The following ADGRL2 variants were observed in gnomAD, a reference collection of about 807,000 sequenced individuals.
ADGRL2 encodes the protein adhesion G protein-coupled receptor L2, also known as calcium-independent alpha-latrotoxin receptor 2.
A neutral mutation model predicts 157.4 loss-of-function variants in ADGRL2; 44 were observed. The ratio of observed to expected loss-of-function variants is 0.28; its 90% CI spans 0.22 to 0.36. ADGRL2 has a LOEUF of 0.36. Ranked by LOEUF, ADGRL2 falls within the 10% of genes least tolerant of loss-of-function variation. ADGRL2 has a pLI of 1.00. For missense variants in ADGRL2, 1,510 were observed against 1,768.9 expected, an observed-to-expected ratio of 0.85 and a Z score of 2.63; for synonymous variants, 585 against 624.7, an observed-to-expected ratio of 0.94 and a Z score of 0.95.
intron 2 of ADGRL2, among the ~76,000 whole-genome samples, chr1:81,795,208 G>A (rs1395607101): frequency 2.0e-5 from 3 of 151,890 alleles, no homozygotes; most frequent in East Asian, 1.9e-4. Context: ...GGGAGACCCC[G>A]TCTCTAGAAA....
chr1:81,925,814 G>A (rs1433047944), intron 3 of ADGRL2, among the ~76,000 whole-genome samples: 2 of 151,830 alleles, frequency 1.3e-5, no homozygotes, highest in Non-Finnish European at 2.9e-5. Flanking sequence ...ATAGAAAATC[G>A]TTTGTTGTAT....
At chr1:81,307,780 T>G (rs1659449263) in intron 1 of ADGRL2, among the ~76,000 whole-genome samples, 2 of 152,016 alleles carry the variant, frequency 1.3e-5, no homozygotes, top group Admixed American at 1.3e-4. Context: ...AAATTTATTA[T>G]CCACATAAAA....
chr1:81,744,139 A>G (rs2085165925), intron 1 of ADGRL2, among the ~76,000 whole-genome samples: 1 of 152,174 alleles, frequency 6.6e-6, no homozygotes, highest in Admixed American at 6.6e-5. Context: ...TAAATTCCTG[A>G]TAGATGTTTA....
chr1:81,715,068 A>G (rs2084065343), intron 1 of ADGRL2, among the ~76,000 whole-genome samples: 1 of 151,976 alleles, frequency 6.6e-6, no homozygotes, highest in Non-Finnish European at 1.5e-5. Flanking sequence ...ATTTACATAA[A>G]GTTAAGTGAC....
At chr1:81,839,467 G>T (rs2092446239) in intron 2 of ADGRL2, among the ~76,000 whole-genome samples, 1 of 151,830 alleles carries the variant, frequency 6.6e-6, no homozygotes, top group East Asian at 1.9e-4. Flanking sequence ...TTGAGATTCT[G>T]GTGCACCCAT....
intron 22 of ADGRL2, 194 bp downstream of exon 22, chr1:81,987,223 A>G (rs1663421202): frequency 7.2e-7 from 1 of 1,390,046 alleles, no homozygotes; most frequent in African/African-American, 1.4e-5. Context: ...CTCAGTCATG[A>G]TAGTATTTAC....
At chr1:81,550,203 G>T (rs1024364677) in intron 2 of ADGRL2, among the ~76,000 whole-genome samples, 2 of 152,152 alleles carry the variant, frequency 1.3e-5, no homozygotes, top group African/African-American at 4.8e-5. Flanking sequence ...AGGAAGGAAT[G>T]AATAGGATTC....
intron 6 of ADGRL2, among the ~76,000 whole-genome samples, chr1:81,948,807 C>G (rs1223395011): frequency 6.6e-6 from 1 of 152,094 alleles, no homozygotes; most frequent in Non-Finnish European, 1.5e-5. Flanking sequence ...AAAACACATG[C>G]TTTAGAAGTT....
At chr1:81,350,316 T>A (rs1279373317) in intron 1 of ADGRL2, among the ~76,000 whole-genome samples, 1 of 152,226 alleles carries the variant, frequency 6.6e-6, no homozygotes, top group African/African-American at 2.4e-5. Context: ...ATTCATCTGC[T>A]TACTGTTGTG....
intron 1 of ADGRL2, among the ~76,000 whole-genome samples, chr1:81,807,712 G>A (rs1172362081): frequency 6.6e-6 from 1 of 151,798 alleles, no homozygotes; most frequent in Non-Finnish European, 1.5e-5. Flanking sequence ...GGTATTTTGA[G>A]TGTAGTATAT....
At chr1:81,617,160 C>T (rs2081674979) in intron 3 of ADGRL2, among the ~76,000 whole-genome samples, 2 of 152,240 alleles carry the variant, frequency 1.3e-5, no homozygotes, top group African/African-American at 4.8e-5. Flanking sequence ...CTTCTATGAG[C>T]CGGCATTGCT....
At chr1:81,511,762 T>C (rs2079082935) in intron 2 of ADGRL2, among the ~76,000 whole-genome samples, 1 of 152,138 alleles carries the variant, frequency 6.6e-6, no homozygotes, top group Non-Finnish European at 1.5e-5. Context: ...TTTGACACTA[T>C]TTGGACCAAA....
At chr1:81,908,977 C>T (rs563138851) in intron 3 of ADGRL2, among the ~76,000 whole-genome samples, 53 of 151,348 alleles carry the variant, frequency 3.5e-4, no homozygotes, top group African/African-American at 1.3e-3. Context: ...TGGGTTCAAG[C>T]AATTCTCATG....
intron 2 of ADGRL2, among the ~76,000 whole-genome samples, chr1:81,894,711 T>G (rs967154105): frequency 6.7e-6 from 1 of 149,496 alleles, no homozygotes; most frequent in East Asian, 1.9e-4. Context: ...AGATGAGAAA[T>G]TATTTCAATA....
At position 81,451,673 on chromosome 1, in the gene ADGRL2, G is replaced by A. The variant is rs182860033; in HGVS notation, c.-248+6584G>A. 4.6e-5 allele frequency among the ~76,000 whole-genome samples: 7 copies of A among 152,138 alleles called. No individual in the cohort carries two copies. In the South Asian group the frequency reaches 6.2e-4, roughly 14 times the overall value. On this transcript the variant is annotated intron_variant, in intron 2 of 24. Coordinates refer to the ADGRL2 transcript ENST00000370721. Reference sequence around the variant, plus strand: ...AGGAGATTTTGCCATTAAGAGTCCCGGTCAAGCATTGACTCATAGAAGCCT... The same window carrying A: ...AGGAGATTTTGCCATTAAGAGTCCCAGTCAAGCATTGACTCATAGAAGCCT...
intron 2 of ADGRL2, among the ~76,000 whole-genome samples, chr1:81,455,338 A>C (rs1055363887): frequency 1.3e-5 from 2 of 152,208 alleles, no homozygotes; most frequent in Admixed American, 1.3e-4. Context: ...AGGATGCACA[A>C]GGATGTAGGC....
intron 2 of ADGRL2, among the ~76,000 whole-genome samples, chr1:81,492,041 G>A (rs942606577): frequency 6.6e-6 from 1 of 152,024 alleles, no homozygotes; most frequent in Non-Finnish European, 1.5e-5. Context: ...GCCTGTTTCT[G>A]GCATTTTACA....
At chr1:81,353,249 G>A (rs935577254) in intron 1 of ADGRL2, among the ~76,000 whole-genome samples, 30 of 152,134 alleles carry the variant, frequency 2.0e-4, no homozygotes, top group African/African-American at 6.3e-4. Flanking sequence ...TATGAGAATC[G>A]GATCCTTGCT....
rs997015088 is a variant in ADGRL2 at position 81,734,823 on chromosome 1, C to A, written c.-142-26988C>A. Among the ~76,000 whole-genome samples, 11 of 148,362 alleles carry A rather than the reference C, an allele frequency of 7.4e-5. 1 individual carries two copies. Among genetic ancestry groups the A allele is most frequent in the African/African-American group, 2.2e-4 (9 of 40,880 alleles). On this transcript the variant is annotated intron_variant, in intron 1 of 20. Coordinates refer to the ADGRL2 transcript ENST00000359929. ...CCGAAGTGGATGAATCACCTGAGGT[C>A]GGGAGTTCAAGACCAGACTAACCAA...
Sources: gnomAD v4.1 joint callset for allele counts (sites outside exome capture counted in the v4.1 genomes callset) on GRCh38, gnomAD v4.1.1 for gene constraint, MANE v1.5 for transcripts, NCBI Gene and HGNC (gene_info 2026-07-23, HGNC 2026-07-21) for gene names.